SLC27A6: variants seen among roughly 807,000 people sequenced by gnomAD.
SLC27A6 encodes the protein solute carrier family 27 member 6, also known as long-chain fatty acid transport protein 6.
Under a neutral mutation model 63.9 loss-of-function variants are expected in SLC27A6, and 74 were observed. That is an observed-to-expected ratio of 1.16 (90% confidence interval 0.96 to 1.40). The LOEUF (loss-of-function observed/expected upper bound fraction) is 1.40. Among genes scored for constraint, SLC27A6 ranks in the 40% most tolerant of loss-of-function variants. SLC27A6 has a pLI of 0.00. For synonymous variants in SLC27A6, 287 were observed against 260.8 expected, an observed-to-expected ratio of 1.10 and a Z score of -0.97; for missense variants, 794 against 732.9, an observed-to-expected ratio of 1.08 and a Z score of -0.96.
chr5:129,023,186 GA>G (rs1272609664), intron 5 of SLC27A6, among the ~76,000 whole-genome samples: 1 of 151,698 alleles, frequency 6.6e-6, no homozygotes, highest in East Asian at 1.9e-4. Flanking sequence ...ATACTGTGAG[GA>G]AAAAATAACA....
intron 4 of SLC27A6, among the ~76,000 whole-genome samples, chr5:129,013,474 C>T (rs747031901): frequency 2.6e-5 from 4 of 152,108 alleles, no homozygotes; most frequent in Non-Finnish European, 5.9e-5. Flanking sequence ...ATTATATTGT[C>T]TTCCAGGCTT....
intron 8 of SLC27A6, 43 bp downstream of exon 8, chr5:129,028,485 AT>A (rs1752317584): frequency 8.8e-7 from 1 of 1,138,724 alleles, no homozygotes; most frequent in East Asian, 2.4e-5. Flanking sequence ...TTAGAATAGA[AT>A]TGCCACTATT....
At chr5:128,974,158 C>A (rs1750291951) in intron 1 of SLC27A6, among the ~76,000 whole-genome samples, 1 of 152,208 alleles carries the variant, frequency 6.6e-6, no homozygotes, top group South Asian at 2.1e-4. Context: ...AGCATTCAGG[C>A]TTTTCTGTTG....
intron 5 of SLC27A6, among the ~76,000 whole-genome samples, chr5:129,019,890 A>G (rs1752021288): frequency 6.6e-6 from 1 of 152,120 alleles, no homozygotes; most frequent in Non-Finnish European, 1.5e-5. Flanking sequence ...AGTAAAGAAC[A>G]GATCAAAGAA....
chr5:128,999,791 A>G (rs1490554221), intron 4 of SLC27A6, among the ~76,000 whole-genome samples: 4 of 152,136 alleles, frequency 2.6e-5, no homozygotes, highest in African/African-American at 7.2e-5. Context: ...TCTGACCTCA[A>G]GCTCCACTAA....
At chr5:128,966,660 C>T (rs1749915371) in intron 1 of SLC27A6, 42 bp downstream of exon 1, 1 of 1,421,148 alleles carries the variant, frequency 7.0e-7, no homozygotes, top group South Asian at 1.8e-5. Flanking sequence ...AATGGCAGCC[C>T]ACCTGCTTTC....
At chr5:129,000,343 T>A (rs1751292466) in intron 4 of SLC27A6, among the ~76,000 whole-genome samples, 4 of 152,192 alleles carry the variant, frequency 2.6e-5, no homozygotes, top group African/African-American at 9.6e-5. Context: ...TATTATTATA[T>A]CCTTAGTGCC....
chr5:128,998,928 A>G (rs1365034710), intron 4 of SLC27A6, among the ~76,000 whole-genome samples: 1 of 152,172 alleles, frequency 6.6e-6, no homozygotes, highest in African/African-American at 2.4e-5. Context: ...AACACAATGA[A>G]TTAAGATCAA....
chr5:129,021,514 A>G (rs1393695994), intron 5 of SLC27A6, among the ~76,000 whole-genome samples: 2 of 152,220 alleles, frequency 1.3e-5, no homozygotes, highest in Non-Finnish European at 2.9e-5. Context: ...ATAGAGCCAC[A>G]TAGGTGTGTG....
chr5:129,009,530 G>A (rs540861946), intron 4 of SLC27A6, among the ~76,000 whole-genome samples: 195 of 152,182 alleles, frequency 1.3e-3, no homozygotes, highest in African/African-American at 4.5e-3. Context: ...TCATAGCTGA[G>A]ACATACTGTA....
intron 4 of SLC27A6, among the ~76,000 whole-genome samples, chr5:129,014,253 A>G (rs1045455958): frequency 1.2e-4 from 19 of 152,208 alleles, no homozygotes; most frequent in African/African-American, 4.1e-4. Context: ...AAAAATTGCA[A>G]TTCGGGACAC....
At chr5:128,973,397 A>G (rs1265904539) in intron 1 of SLC27A6, among the ~76,000 whole-genome samples, 3 of 152,182 alleles carry the variant, frequency 2.0e-5, no homozygotes, top group Non-Finnish European at 4.4e-5. Flanking sequence ...ACAGAGGCAC[A>G]CAGCCCGGTT....
At chr5:129,011,569 T>G (rs79256642) in intron 4 of SLC27A6, among the ~76,000 whole-genome samples, 7,546 of 152,192 alleles carry the variant, frequency 0.05, 408 homozygotes, top group African/African-American at 0.13. Flanking sequence ...AAGAATGAAC[T>G]TAAATAGATT....
chr5:129,027,142 G>A lies in SLC27A6; in HGVS notation c.1265G>A (p.Gly422Glu). 1 of 1,613,122 alleles carries A rather than the reference G, an allele frequency of 6.2e-7. No homozygotes were observed. Among genetic ancestry groups the A allele is most frequent in the Non-Finnish European group, 8.5e-7 (1 of 1,179,352 alleles). ...WCIHVKKGEP[G>E]LLISRVNAKN... is the part of the protein sequence containing the mutation. ...TCGTTCTTTCTTGCAGGAGAACCTG[G>A]ACTTCTCATTTCTCGAGTGAATGCA... The change falls in exon 7 of 10, where the codon GGA (glycine) becomes GAA (glutamate). Residue 422 changes from glycine to glutamate, a missense_variant. Physicochemically the swap from Gly to Glu is moderately conservative, Grantham distance 98. Coordinates refer to ENST00000262462, the MANE Select transcript of SLC27A6 (RefSeq NM_001017372.3).
intron 4 of SLC27A6, among the ~76,000 whole-genome samples, chr5:128,991,381 C>T (rs1045030526): frequency 2.0e-5 from 3 of 152,040 alleles, no homozygotes; most frequent in East Asian, 3.9e-4. Context: ...TACAAAGATG[C>T]GTGCAATACC....
intron 1 of SLC27A6, among the ~76,000 whole-genome samples, chr5:128,979,741 A>G (rs257903): frequency 0.72 from 109,561 of 152,066 alleles, 39,498 homozygotes; most frequent in East Asian, 0.88. Context: ...GTGTTATTAT[A>G]TTATAATAAT....
At chr5:129,018,966 G>T (rs557376336) in intron 5 of SLC27A6, among the ~76,000 whole-genome samples, 1 of 152,088 alleles carries the variant, frequency 6.6e-6, no homozygotes, top group East Asian at 1.9e-4. Flanking sequence ...GAAAAATTTG[G>T]TTCAATGATT....
chr5:129,019,530 GT>G (rs2150151722), intron 5 of SLC27A6, among the ~76,000 whole-genome samples: 1 of 151,898 alleles, frequency 6.6e-6, no homozygotes, highest in Admixed American at 6.6e-5. Flanking sequence ...ACCAGGAAAT[GT>G]TTAGAAAAAC....
At chr5:128,979,007 G>T (rs907437633) in intron 1 of SLC27A6, among the ~76,000 whole-genome samples, 6 of 152,026 alleles carry the variant, frequency 3.9e-5, no homozygotes, top group Non-Finnish European at 7.4e-5. Context: ...TGTGTAGTGG[G>T]CTATATCACT....
Sources: allele counts gnomAD v4.1 joint callset (sites outside exome capture counted in the v4.1 genomes callset), GRCh38; gene constraint gnomAD v4.1.1; transcripts MANE v1.5; gene names NCBI Gene and HGNC (gene_info 2026-07-23, HGNC 2026-07-21).